Variants in CACNA2D3 observed in about 807,000 individuals in gnomAD.
CACNA2D3 encodes voltage-dependent calcium channel subunit alpha-2/delta-3.
CACNA2D3 carries 60 observed loss-of-function variants against 160.6 expected under a neutral mutation model. That is an observed-to-expected ratio of 0.37 (90% confidence interval 0.30 to 0.46). The LOEUF is 0.46. Among genes scored for constraint, CACNA2D3 ranks in the 20% least tolerant of loss-of-function variants. CACNA2D3 has a pLI of 1.00. For missense variants in CACNA2D3, 1,205 were observed against 1,365.0 expected (o/e 0.88, Z 1.85); for synonymous variants, 558 against 492.9 (o/e 1.13, Z -1.75).
At chr3:54,323,338 T>C (rs1368628064) in intron 3 of CACNA2D3, among the ~76,000 whole-genome samples, 1 of 151,960 alleles carries the variant, frequency 6.6e-6, no homozygotes, top group African/African-American at 2.4e-5. Flanking sequence ...TGCAGTGGAG[T>C]CATTATTTGT....
In CACNA2D3 at chr3:54,362,939, G is replaced by A. The variant is rs191395330; in HGVS notation, c.322-23776G>A. ...CAGCCAGACACGGTGGCTCATGCCT[G>A]TAATCCCAGCACTTTGGGAGGCTGA... is the stretch of plus-strand genomic sequence containing the variant. On this transcript the variant is annotated intron_variant, in intron 3 of 37. Coordinates refer to ENST00000474759, the MANE Select transcript of CACNA2D3 (RefSeq NM_018398.3). 9.2e-5 allele frequency among the ~76,000 whole-genome samples: 14 copies of A among 152,326 alleles called. No individual in the cohort carries two copies. In the East Asian group the frequency reaches 2.3e-3, roughly 25 times the overall value.
intron 27 of CACNA2D3, among the ~76,000 whole-genome samples, chr3:54,926,906 T>G (rs1701039342): frequency 6.6e-6 from 1 of 152,104 alleles, no homozygotes; most frequent in African/African-American, 2.4e-5. Context: ...GGAGATTAAG[T>G]TCACATTTTC....
At chr3:54,494,601 A>C (rs1701174044) in intron 4 of CACNA2D3, among the ~76,000 whole-genome samples, 1 of 152,178 alleles carries the variant, frequency 6.6e-6, no homozygotes. Context: ...AGTTTGGAAA[A>C]GGTAGATAAT....
At chr3:54,431,210 G>A (rs1408492122) in intron 4 of CACNA2D3, among the ~76,000 whole-genome samples, 1 of 151,684 alleles carries the variant, frequency 6.6e-6, no homozygotes, top group Non-Finnish European at 1.5e-5. Context: ...AATGGCAGGC[G>A]CCTGTAATCC....
intron 9 of CACNA2D3, among the ~76,000 whole-genome samples, chr3:54,604,539 A>C (rs1468074328): frequency 6.6e-6 from 1 of 152,026 alleles, no homozygotes; most frequent in African/African-American, 2.4e-5. Context: ...CCTTTCCAAG[A>C]CTCAGACCCC....
At chr3:54,281,174 C>T (rs971778283) in intron 2 of CACNA2D3, among the ~76,000 whole-genome samples, 1 of 152,164 alleles carries the variant, frequency 6.6e-6, no homozygotes, top group Non-Finnish European at 1.5e-5. Flanking sequence ...ACAGTGTCCA[C>T]AGGTGATTCA....
intron 2 of CACNA2D3, among the ~76,000 whole-genome samples, chr3:54,155,373 C>T (rs1700228397): frequency 6.6e-6 from 1 of 152,174 alleles, no homozygotes; most frequent in Admixed American, 6.5e-5. Flanking sequence ...CCACATCATA[C>T]AGCTTGTCTG....
chr3:54,925,202 C>T, intron 27 of CACNA2D3: 1 of 1,611,448 alleles, frequency 6.2e-7, no homozygotes, highest in Non-Finnish European at 8.5e-7. Context: ...CACTGGAAAA[C>T]AGGAGCAGTT....
At chr3:54,260,904 C>G (rs1702390158) in intron 2 of CACNA2D3, among the ~76,000 whole-genome samples, 1 of 152,158 alleles carries the variant, frequency 6.6e-6, no homozygotes, top group Non-Finnish European at 1.5e-5. Flanking sequence ...TGCCCAGTAA[C>G]TCTGTATCAT....
chr3:54,776,969 TC>T (rs1413549676), intron 13 of CACNA2D3, among the ~76,000 whole-genome samples: 4 of 152,194 alleles, frequency 2.6e-5, no homozygotes, highest in Admixed American at 6.5e-5. Flanking sequence ...TAACTTAACT[TC>T]TCAGAGCTGA....
In CACNA2D3 at chr3:54,254,791, T is replaced by C. The variant is rs572520669; in HGVS notation, c.205-65651T>C. ...ACAAGGAAGATATGGGAAAATGCTG[T>C]GCACAGCAGCTTGTATACTCTAAGG... On this transcript the variant is annotated intron_variant, in intron 2 of 37. Transcript: ENST00000474759. Among the ~76,000 whole-genome samples, 4 of 152,340 alleles carry C rather than the reference T, an allele frequency of 2.6e-5. No individual in the cohort carries two copies. In the East Asian group the frequency reaches 7.7e-4, roughly 29 times the overall value.
chr3:54,902,651 C>T (rs1056003229), intron 27 of CACNA2D3, among the ~76,000 whole-genome samples: 2 of 152,230 alleles, frequency 1.3e-5, no homozygotes, highest in African/African-American at 2.4e-5. Context: ...TCAGGTCCCT[C>T]ATCCATTGCA....
intron 3 of CACNA2D3, among the ~76,000 whole-genome samples, chr3:54,376,560 CT>C (rs1699015539): frequency 6.6e-6 from 1 of 152,156 alleles, no homozygotes; most frequent in Non-Finnish European, 1.5e-5. Flanking sequence ...CTGTTATCAT[CT>C]TGTGTGGCCC....
chr3:54,880,887 T>C, intron 21 of CACNA2D3, 24 bp downstream of exon 21: 4 of 1,606,892 alleles, frequency 2.5e-6, no homozygotes, highest in Non-Finnish European at 3.4e-6. Flanking sequence ...TGGCTCGTCT[T>C]ATCCTTTGGT....
At chr3:54,484,584 G>A (rs1041340217) in intron 4 of CACNA2D3, among the ~76,000 whole-genome samples, 19 of 152,048 alleles carry the variant, frequency 1.2e-4, no homozygotes, top group African/African-American at 4.6e-4. Flanking sequence ...AAATCACCGG[G>A]GCAACTGGAC....
chr3:54,974,822 C>T (rs1702349473), intron 29 of CACNA2D3, among the ~76,000 whole-genome samples: 2 of 152,158 alleles, frequency 1.3e-5, no homozygotes, highest in East Asian at 3.9e-4. Flanking sequence ...AGCTCTTCAA[C>T]TTGTTAGTGC....
At chr3:54,302,574 C>T (rs1057388552) in intron 2 of CACNA2D3, among the ~76,000 whole-genome samples, 32 of 152,076 alleles carry the variant, frequency 2.1e-4, no homozygotes, top group Admixed American at 1.2e-3. Context: ...TGCAGCTGAG[C>T]GTGCACTCTT....
At chr3:54,228,164 G>A (rs897101431) in intron 2 of CACNA2D3, among the ~76,000 whole-genome samples, 4 of 152,148 alleles carry the variant, frequency 2.6e-5, no homozygotes, top group African/African-American at 4.8e-5. Context: ...TGGACTTTCA[G>A]AGCTTCCAGA....
intron 31 of CACNA2D3, among the ~76,000 whole-genome samples, chr3:54,988,563 A>T (rs1348304587): frequency 6.6e-6 from 1 of 152,216 alleles, no homozygotes; most frequent in Non-Finnish European, 1.5e-5. Context: ...TGTTAAATAT[A>T]TAATGGCAGG....
Sources: gnomAD v4.1 joint callset for allele counts (sites outside exome capture counted in the v4.1 genomes callset) on GRCh38, gnomAD v4.1.1 for gene constraint, MANE v1.5 for transcripts, NCBI Gene and HGNC (gene_info 2026-07-23, HGNC 2026-07-21) for gene names.